MCF2: variants seen among roughly 807,000 people sequenced by gnomAD.
MCF2 encodes proto-oncogene DBL.
MCF2 carries 44 observed loss-of-function variants against 82.5 expected under a neutral mutation model. The ratio of observed to expected loss-of-function variants is 0.53; its 90% CI spans 0.42 to 0.69. MCF2 has a LOEUF of 0.69. Among genes scored for constraint, MCF2 ranks in the 30% least tolerant of loss-of-function variants. MCF2 has a pLI of 0.00. For synonymous variants in MCF2, 217 were observed against 224.9 expected, an observed-to-expected ratio of 0.96 and a Z score of 0.32; for missense variants, 623 against 663.1, an observed-to-expected ratio of 0.94 and a Z score of 0.66.
intron 24 of MCF2, among the ~76,000 whole-genome samples, chrX:139,584,042 G>A (rs1446539216): frequency 9.3e-6 from 1 of 107,595 alleles, no homozygotes; most frequent in Non-Finnish European, 1.9e-5. Context: ...GGTCATCATA[G>A]TATTAGGAGA....
At chrX:139,605,439 C>A (rs1000551092) in intron 13 of MCF2, among the ~76,000 whole-genome samples, 2 of 111,135 alleles carry the variant, frequency 1.8e-5, no homozygotes, top group African/African-American at 6.5e-5. Flanking sequence ...TAAATAGCAC[C>A]CTGGGAATAA....
intron 1 of MCF2, among the ~76,000 whole-genome samples, chrX:139,666,944 A>G (rs1934538141): frequency 9.0e-6 from 1 of 111,153 alleles, no homozygotes. Context: ...GGTTATTTCA[A>G]AAGACCTGTC....
intron 19 of MCF2, among the ~76,000 whole-genome samples, chrX:139,595,992 C>T (rs73573959): frequency 0.016 from 1,816 of 110,775 alleles, 33 homozygotes; most frequent in African/African-American, 0.056. Context: ...TTTTGAAAGA[C>T]GGAACAGGAC....
intron 1 of MCF2, among the ~76,000 whole-genome samples, chrX:139,690,747 C>T (rs759967979): frequency 1.8e-5 from 2 of 111,595 alleles, no homozygotes; most frequent in South Asian, 7.6e-4. Flanking sequence ...GAAATTGCCA[C>T]CAAGTCTATT....
At chrX:139,686,778 A>G (rs919812080) in intron 1 of MCF2, among the ~76,000 whole-genome samples, 3 of 111,403 alleles carry the variant, frequency 2.7e-5, no homozygotes, top group Admixed American at 9.5e-5. Flanking sequence ...TACCACCTCC[A>G]CAAATTACCT....
intron 10 of MCF2, among the ~76,000 whole-genome samples, chrX:139,614,456 T>C (rs903591964): frequency 4.5e-5 from 5 of 111,176 alleles, no homozygotes; most frequent in African/African-American, 1.6e-4. Flanking sequence ...CTCCCACATT[T>C]ATACAAATAA....
At chrX:139,670,341 C>A (rs12833440) in intron 1 of MCF2, among the ~76,000 whole-genome samples, 14 of 111,236 alleles carry the variant, frequency 1.3e-4, no homozygotes, top group Middle Eastern at 4.2e-3. Flanking sequence ...ACTTTAAGTT[C>A]TAGGGCACAT....
chrX:139,651,866 A>C, intron 1 of MCF2, 78 bp from the exon 2 acceptor site: 113 of 592,769 alleles, frequency 1.9e-4, no homozygotes, highest in Non-Finnish European at 2.6e-4. Context: ...ATGATTTCTC[A>C]CTGTGTCTAA....
At position 139,605,701 on chromosome X, in the gene MCF2, T is replaced by G; in HGVS notation, c.1557+12A>C. 8.4e-7 allele frequency: 1 copy of G among 1,190,659 alleles called. No homozygotes were observed. Among genetic ancestry groups the G allele is most frequent in the Non-Finnish European group, 1.1e-6 (1 of 882,516 alleles). ...GGGAAAAGATAGGGCAAATACAATT[T>G]GAGTCGCTTACCAACAAAACAGTAT... On this transcript the variant is annotated intron_variant, in intron 13 of 24. Transcript: ENST00000370576.
chrX:139,664,896 C>A (rs1934464609), intron 1 of MCF2, among the ~76,000 whole-genome samples: 1 of 111,232 alleles, frequency 9.0e-6, no homozygotes, highest in Non-Finnish European at 1.9e-5. Context: ...AGTGATGGAT[C>A]CTACCTGGAT....
intron 1 of MCF2, among the ~76,000 whole-genome samples, chrX:139,704,399 T>A (rs1195499019): frequency 8.9e-6 from 1 of 112,549 alleles, no homozygotes; most frequent in African/African-American, 3.2e-5. Context: ...TGCATATGAT[T>A]GGCTTATAAA....
intron 1 of MCF2, among the ~76,000 whole-genome samples, chrX:139,669,116 A>T (rs1201703985): frequency 2.7e-5 from 3 of 112,095 alleles, no homozygotes; most frequent in African/African-American, 9.7e-5. Flanking sequence ...GAATAAGAGG[A>T]TATATTTGCA....
At chrX:139,607,622 C>T in intron 12 of MCF2, 69 bp downstream of exon 16, 2 of 755,312 alleles carry the variant, frequency 2.6e-6, no homozygotes. Flanking sequence ...ATCACATTGG[C>T]CTTGAACACT....
At chrX:139,702,967 T>C (rs926039168) in intron 1 of MCF2, among the ~76,000 whole-genome samples, 1 of 112,412 alleles carries the variant, frequency 8.9e-6, no homozygotes, top group Non-Finnish European at 1.9e-5. Context: ...GCCAAGGTCA[T>C]AGCCCCTTCC....
chrX:139,670,831 A>G (rs1934664254), intron 1 of MCF2, among the ~76,000 whole-genome samples: 1 of 111,892 alleles, frequency 8.9e-6, no homozygotes. Flanking sequence ...TATACCCAAT[A>G]ATGGGATTGC....
intron 1 of MCF2, among the ~76,000 whole-genome samples, chrX:139,658,496 C>T (rs1399540753): frequency 9.1e-6 from 1 of 109,834 alleles, no homozygotes; most frequent in Non-Finnish European, 1.9e-5. Flanking sequence ...AAATTAAGTT[C>T]ACAAATATAA....
intron 4 of MCF2, 130 bp from the exon 8 acceptor site, chrX:139,626,886 G>C (rs1411648731): frequency 3.7e-6 from 2 of 545,055 alleles, no homozygotes; most frequent in Non-Finnish European, 5.6e-6. Context: ...TGCTTTCATA[G>C]CTCTCTGAAA....
At chrX:139,632,674 C>T (rs981726759) in intron 1 of MCF2, among the ~76,000 whole-genome samples, 1 of 111,291 alleles carries the variant, frequency 9.0e-6, no homozygotes, top group African/African-American at 3.3e-5. Flanking sequence ...ACTTCTGGTA[C>T]GAAATTTTCT....
intron 19 of MCF2, among the ~76,000 whole-genome samples, chrX:139,590,227 C>T (rs1267220195): frequency 1.8e-5 from 2 of 110,878 alleles, no homozygotes; most frequent in African/African-American, 6.5e-5. Flanking sequence ...ATTAATAGTA[C>T]ACTATTAAAA....
Sources: gnomAD v4.1 joint callset for allele counts (sites outside exome capture counted in the v4.1 genomes callset) on GRCh38, gnomAD v4.1.1 for gene constraint, MANE v1.5 for transcripts, NCBI Gene and HGNC (gene_info 2026-07-23, HGNC 2026-07-21) for gene names.